The following FOCAD variants were observed in gnomAD, a reference collection of about 807,000 sequenced individuals.
FOCAD encodes the protein KIAA1797.
A neutral mutation model predicts 225.6 loss-of-function variants in FOCAD; 198 were observed. The ratio of observed to expected loss-of-function variants is 0.88; its 90% CI spans 0.78 to 0.99. FOCAD has a LOEUF of 0.99. FOCAD is among the 50% of genes least tolerant of loss of function. The pLI is 0.00. For synonymous variants in FOCAD, 897 were observed against 755.0 expected, an observed-to-expected ratio of 1.19 and a Z score of -3.08; for missense variants, 2,713 against 2,123.6, an observed-to-expected ratio of 1.28 and a Z score of -5.46.
chr9:20,670,689 C>T (rs1176631647), intron 2 of FOCAD, among the ~76,000 whole-genome samples: 2 of 152,076 alleles, frequency 1.3e-5, no homozygotes, highest in Non-Finnish European at 2.9e-5. Flanking sequence ...GGTGGGGTGG[C>T]CAGGGGACAC....
chr9:20,946,656 T>C, intron 29 of FOCAD, 45 bp from the exon 30 acceptor site: 1 of 1,572,382 alleles, frequency 6.4e-7, no homozygotes, highest in Non-Finnish European at 8.6e-7. Flanking sequence ...AGTTCTTTTA[T>C]TTTTCCTCCT....
intron 7 of FOCAD, among the ~76,000 whole-genome samples, chr9:20,766,303 A>G (rs1479933061): frequency 1.3e-5 from 2 of 152,244 alleles, no homozygotes; most frequent in Non-Finnish European, 2.9e-5. Context: ...TAGTGACAGT[A>G]GCATACTTAA....
At chr9:20,702,917 A>G (rs1824080052) in intron 1 of FOCAD, among the ~76,000 whole-genome samples, 1 of 152,114 alleles carries the variant, frequency 6.6e-6, no homozygotes, top group African/African-American at 2.4e-5. Flanking sequence ...TTTATTGAAT[A>G]GGTATTTGTT....
At chr9:20,957,663 A>ATCTCTC (rs199783577) in intron 35 of FOCAD, 2 of 55,638 alleles carry the variant, frequency 3.6e-5, no homozygotes, top group African/African-American at 1.3e-4. Flanking sequence ...TAGCATAGAT[A>ATCTCTC]TCTCTCTCTC....
intron 25 of FOCAD, among the ~76,000 whole-genome samples, chr9:20,925,058 T>A (rs1185058919): frequency 6.6e-6 from 1 of 152,174 alleles, no homozygotes; most frequent in Admixed American, 6.5e-5. Context: ...GCAAAAGCCA[T>A]GGATATATAT....
intron 25 of FOCAD, among the ~76,000 whole-genome samples, chr9:20,926,070 A>G (rs1834911191): frequency 6.6e-6 from 1 of 152,092 alleles, no homozygotes; most frequent in South Asian, 2.1e-4. Context: ...CTCTTCTGCT[A>G]ATTTGTTCAT....
chr9:20,981,619 A>G lies in FOCAD; in HGVS notation c.4571A>G (p.His1524Arg). Residue 1524 changes from histidine to arginine, a missense_variant, in exon 38 of 44, where the codon CAC becomes CGC. Transcript: ENST00000338382. ...SQAMKLPSPA[H>R]HLWSLLSEAT... The stretch of plus-strand genomic sequence containing the variant: ...GCCATGAAACTGCCCAGCCCTGCCC[A>G]CCACCTCTGGAGTCTGCTCTCTGAA... 1 of 1,614,006 alleles carries G rather than the reference A, an allele frequency of 6.2e-7. No individual in the cohort carries two copies. Among genetic ancestry groups the G allele is most frequent in the Non-Finnish European group, 8.5e-7 (1 of 1,179,970 alleles).
intron 34 of FOCAD, among the ~76,000 whole-genome samples, chr9:20,952,252 G>C (rs1837751660): frequency 6.6e-6 from 1 of 152,094 alleles, no homozygotes; most frequent in South Asian, 2.1e-4. Context: ...AGGTACTAGT[G>C]AATCATCTTA....
chr9:20,764,971 G>A lies in FOCAD; in HGVS notation c.597G>A (p.Leu199=). 3 of 1,614,110 alleles carry A rather than the reference G, an allele frequency of 1.9e-6. No homozygotes were observed. Among genetic ancestry groups the A allele is most frequent in the African/African-American group, 1.3e-5 (1 of 75,052 alleles). Residue 199 remains leucine, a synonymous_variant, in exon 7 of 44, where the codon CTG becomes CTA. Transcript: ENST00000338382. ...QEYAKLRLAL[L]KVLLQPQVLC... ...ATGCTAAACTCCGACTAGCCCTGCTGAAAGTCTTACTTCAACCCCAGGTTC... is the reference window on the plus strand; with the variant it reads ...ATGCTAAACTCCGACTAGCCCTGCTAAAAGTCTTACTTCAACCCCAGGTTC...
At chr9:20,939,025 C>T (rs1392004316) in intron 28 of FOCAD, among the ~76,000 whole-genome samples, 2 of 150,840 alleles carry the variant, frequency 1.3e-5, no homozygotes, top group African/African-American at 4.9e-5. Context: ...TTGCAGGCGC[C>T]TGTAGTCCCA....
chr9:20,835,972 G>A (rs1357298579), intron 15 of FOCAD, among the ~76,000 whole-genome samples: 1 of 152,072 alleles, frequency 6.6e-6, no homozygotes, highest in East Asian at 1.9e-4. Flanking sequence ...TGTCACAGCA[G>A]TGATTTCCCC....
In FOCAD at chr9:20,714,496, G is replaced by A. The variant is rs141711423; in HGVS notation, c.-32-826G>A. 2.0e-5 allele frequency among the ~76,000 whole-genome samples: 3 copies of A among 152,062 alleles called. No homozygotes were observed. In the East Asian group the frequency reaches 5.8e-4, roughly 29 times the overall value. ...CCTGTTTTTCAAAATAATGTAATTG[G>A]TAGGTTCAGTGCTTCATGGAAATGG... On this transcript the variant is annotated intron_variant, in intron 1 of 43. Transcript: ENST00000338382.
intron 11 of FOCAD, among the ~76,000 whole-genome samples, chr9:20,799,825 T>G (rs1821586546): frequency 6.6e-6 from 1 of 152,182 alleles, no homozygotes; most frequent in Non-Finnish European, 1.5e-5. Flanking sequence ...TGTCTTTTAA[T>G]TGGAGCATTT....
chr9:20,684,202 C>G (rs1822512676), upstream of FOCAD: 1 of 152,298 alleles, frequency 6.6e-6, no homozygotes, highest in African/African-American at 2.4e-5. Flanking sequence ...CCCATTGGCT[C>G]TCTCCTGCAG....
chr9:20,793,632 G>C (rs1396048513), intron 11 of FOCAD, among the ~76,000 whole-genome samples: 2 of 152,144 alleles, frequency 1.3e-5, no homozygotes, highest in Non-Finnish European at 2.9e-5. Context: ...CATCAGAAAG[G>C]ATGGAGTGGA....
chr9:20,740,157 T>C, intron 4 of FOCAD, 79 bp from the exon 5 acceptor site: 1 of 930,348 alleles, frequency 1.1e-6, no homozygotes, highest in Non-Finnish European at 1.7e-6. Flanking sequence ...TAAAATTATT[T>C]TAAAATGATA....
intron 4 of FOCAD, among the ~76,000 whole-genome samples, 181 bp from the exon 5 acceptor site, chr9:20,740,055 T>C (rs1011739254): frequency 3.3e-5 from 5 of 152,186 alleles, no homozygotes; most frequent in Non-Finnish European, 2.9e-5. Flanking sequence ...CTCCATTTCT[T>C]CTCCTTTAAA....
At chr9:20,968,073 C>T (rs911975571) in intron 35 of FOCAD, among the ~76,000 whole-genome samples, 1 of 152,040 alleles carries the variant, frequency 6.6e-6, no homozygotes, top group African/African-American at 2.4e-5. Flanking sequence ...ACCAATGAAG[C>T]CTTCTGGTCT....
At position 20,764,975 on chromosome 9, in the gene FOCAD, G is replaced by A; in HGVS notation, c.601G>A (p.Val201Ile). 6.2e-7 allele frequency: 1 copy of A among 1,614,130 alleles called. No individual in the cohort carries two copies. The highest frequency in any genetic ancestry group is 1.1e-5 in the South Asian group (1 of 91,084). ...YAKLRLALLK[V>I]LLQPQVLCDK... Reference sequence around the variant, plus strand: ...TAAACTCCGACTAGCCCTGCTGAAAGTCTTACTTCAACCCCAGGTTCTTTG... The same window carrying A: ...TAAACTCCGACTAGCCCTGCTGAAAATCTTACTTCAACCCCAGGTTCTTTG... The change falls in exon 7 of 44, where the codon GTC (valine) becomes ATC (isoleucine). Residue 201 changes from valine to isoleucine, a missense_variant. Val to Ile is a conservative substitution (Grantham distance 29, BLOSUM62 3). Coordinates refer to ENST00000338382, the MANE Select transcript of FOCAD (RefSeq NM_001375567.1).
Sources: gnomAD v4.1 joint callset for allele counts (sites outside exome capture counted in the v4.1 genomes callset) on GRCh38, gnomAD v4.1.1 for gene constraint, MANE v1.5 for transcripts, NCBI Gene and HGNC (gene_info 2026-07-23, HGNC 2026-07-21) for gene names.